The following EPC1 variants were observed in gnomAD, a reference collection of about 807,000 sequenced individuals.
EPC1 encodes enhancer of polycomb 1.
A neutral mutation model predicts 98.4 loss-of-function variants in EPC1; 12 were observed. The observed-to-expected ratio is 0.12, with a 90% confidence interval of 0.08 to 0.20. EPC1 has a LOEUF of 0.20. Ranked by LOEUF, EPC1 falls within the 10% of genes least tolerant of loss-of-function variation. The probability of loss-of-function intolerance (pLI) is 1.00; values close to 1 mark genes in which losing one functional copy is unlikely to be tolerated. For synonymous variants in EPC1, 357 were observed against 363.9 expected (o/e 0.98, Z 0.21); for missense variants, 729 against 990.5 (o/e 0.74, Z 3.54).
chr10:32,310,848 TG>T (rs2132847778), intron 1 of EPC1, among the ~76,000 whole-genome samples: 1 of 152,092 alleles, frequency 6.6e-6, no homozygotes, highest in Non-Finnish European at 1.5e-5. Flanking sequence ...CACTCCAACC[TG>T]GGCAACAGAG....
Position 32,291,157 on chromosome 10 carries a change from A to T in EPC1, c.975+6T>A. ...TAGATACTATTATCACAAAAACATT[A>T]ATCACCTTATTAACTTTGAACTCCT... On this transcript the variant is annotated splice_donor_region_variant and intron_variant, in intron 6 of 13. Transcript: ENST00000319778. 6.2e-7 allele frequency: 1 copy of T among 1,609,628 alleles called. No individual in the cohort carries two copies. The highest frequency in any genetic ancestry group is 8.5e-7 in the Non-Finnish European group (1 of 1,176,370).
chr10:32,330,955 G>A (rs1424931362), intron 1 of EPC1, among the ~76,000 whole-genome samples: 1 of 152,026 alleles, frequency 6.6e-6, no homozygotes, highest in African/African-American at 2.4e-5. Flanking sequence ...CAAAATCACA[G>A]TGTAAAAGTT....
intron 10 of EPC1, among the ~76,000 whole-genome samples, chr10:32,279,731 T>G (rs1299883421): frequency 6.6e-6 from 1 of 152,174 alleles, no homozygotes; most frequent in Non-Finnish European, 1.5e-5. Flanking sequence ...TAAGGACTCT[T>G]ACATAAGAGT....
At chr10:32,305,414 C>G (rs1253405756) in intron 2 of EPC1, among the ~76,000 whole-genome samples, 1 of 152,190 alleles carries the variant, frequency 6.6e-6, no homozygotes, top group Non-Finnish European at 1.5e-5. Context: ...CAGAAAAAGT[C>G]TGCTGACTCT....
chr10:32,347,052 G>C lies in EPC1; in HGVS notation c.-137C>G, dbSNP rs1838887470. 2.7e-6 allele frequency: 4 copies of C among 1,464,534 alleles called. No homozygotes were observed. Among genetic ancestry groups the C allele is most frequent in the Non-Finnish European group, 3.6e-6 (4 of 1,114,164 alleles). 90.7% of individuals were successfully genotyped at this position (1,464,534 alleles called of 1,614,324 possible). A position where few individuals can be genotyped will look rare whatever the true frequency, so the allele number is the denominator to read the frequency against. ...GCGGAGCGCAGAGCCCGCCGTCCGG[G>C]CACTAACACCAGCCGGGAGGGTGGG... is the stretch of plus-strand genomic sequence containing the variant. On this transcript the variant is annotated 5_prime_UTR_variant, in exon 1 of 14. Transcript: ENST00000319778.
chr10:32,345,450 A>T, intron 1 of EPC1: 2 of 985,352 alleles, frequency 2.0e-6, no homozygotes, highest in Non-Finnish European at 2.4e-6. Flanking sequence ...TTACAGTACC[A>T]AGAGAAGTAT....
At chr10:32,343,768 C>T (rs1838545769) in intron 1 of EPC1, among the ~76,000 whole-genome samples, 1 of 151,728 alleles carries the variant, frequency 6.6e-6, no homozygotes, top group Admixed American at 6.6e-5. Flanking sequence ...GTGTGTGCAG[C>T]TCATAGTATT....
chr10:32,376,680 T>G (rs554240602), intron 1 of EPC1, among the ~76,000 whole-genome samples: 272 of 152,208 alleles, frequency 1.8e-3, no homozygotes, highest in Middle Eastern at 6.8e-3. Context: ...TTTTAGCCAT[T>G]TTCACACATC....
At chr10:32,288,905 C>G (rs1440002333) in intron 6 of EPC1, among the ~76,000 whole-genome samples, 2 of 151,772 alleles carry the variant, frequency 1.3e-5, no homozygotes, top group Non-Finnish European at 2.9e-5. Flanking sequence ...CTGGCTAACA[C>G]GATGAAACCC....
At chr10:32,304,212 ATAAG>A (rs1223621790) in intron 2 of EPC1, among the ~76,000 whole-genome samples, 1 of 152,222 alleles carries the variant, frequency 6.6e-6, no homozygotes, top group Admixed American at 6.5e-5. Flanking sequence ...CTGATCATCA[ATAAG>A]TAAGCCATCT....
chr10:32,343,183 G>C (rs1008563507), intron 1 of EPC1, among the ~76,000 whole-genome samples: 6 of 152,002 alleles, frequency 3.9e-5, no homozygotes, highest in African/African-American at 1.5e-4. Context: ...TAAATACATT[G>C]TTTTCATCAT....
Position 32,291,339 on chromosome 10 carries a change from G to T in EPC1, c.816-17C>A, listed in dbSNP as rs779379061. ...AAATTATACCTAAAATTATACAAAT[G>T]AAAGTTTAAAATTATATATATTTAA... On this transcript the variant is annotated splice_polypyrimidine_tract_variant and intron_variant, in intron 5 of 13. Transcript: ENST00000319778. 5 of 1,582,318 alleles carry T rather than the reference G, an allele frequency of 3.2e-6. No individual in the cohort carries two copies. The highest frequency in any genetic ancestry group is 4.3e-6 in the Non-Finnish European group (5 of 1,158,796).
intron 1 of EPC1, among the ~76,000 whole-genome samples, chr10:32,321,876 AAGAG>A (rs1199204456): frequency 6.6e-6 from 1 of 151,778 alleles, no homozygotes; most frequent in Non-Finnish European, 1.5e-5. Context: ...TCAGAATACT[AAGAG>A]AGAAGCAAAA....
At chr10:32,313,521 A>G (rs190000378) in intron 1 of EPC1, among the ~76,000 whole-genome samples, 4 of 152,380 alleles carry the variant, frequency 2.6e-5, no homozygotes, top group Non-Finnish European at 2.9e-5. Context: ...TTCTGAGACT[A>G]TCGCTTTATC....
intron 1 of EPC1, among the ~76,000 whole-genome samples, chr10:32,373,678 CT>C (rs1839812179): frequency 6.6e-6 from 1 of 152,200 alleles, no homozygotes; most frequent in Non-Finnish European, 1.5e-5. Context: ...ACTCTCCTCA[CT>C]TTGGATATTT....
At chr10:32,287,411 T>C in intron 6 of EPC1, 137 bp from the exon 7 acceptor site, 1 of 844,078 alleles carries the variant, frequency 1.2e-6, no homozygotes, top group Non-Finnish European at 1.8e-6. Context: ...ACTCTATGTT[T>C]GGCCATCTTA....
Position 32,267,765 on chromosome 10 carries a change from T to G in EPC1, c.*1298A>C, listed in dbSNP as rs1024142379. 2 of 152,236 alleles carry G rather than the reference T, an allele frequency of 1.3e-5. No homozygotes were observed. Among genetic ancestry groups the G allele is most frequent in the Non-Finnish European group, 2.9e-5 (2 of 68,040 alleles). The allele number at this position is 152,236 out of a possible 1,614,324, so 9.4% of individuals were successfully genotyped here. A position where few individuals can be genotyped will look rare whatever the true frequency, so the allele number is the denominator to read the frequency against. On this transcript the variant is annotated 3_prime_UTR_variant, in exon 14 of 14. Transcript: ENST00000319778. ...ACCACTACACATTAGTTTGTCAACA[T>G]GTAATGCCCTGGGTTTATTTTGTGA...
chr10:32,344,854 A>C (rs1053272106), intron 1 of EPC1, among the ~76,000 whole-genome samples: 4 of 152,228 alleles, frequency 2.6e-5, no homozygotes, highest in Non-Finnish European at 5.9e-5. Flanking sequence ...TTTAACAAGC[A>C]CTGATACTTC....
rs550588203 is a variant in EPC1, at chr10:32,268,854, T to C, written c.*209A>G. ...CAAATATGCAGTACTGTACAGATAATTGCTGTATTCTTAATTTACAGATGT... is the reference window on the plus strand; with the variant it reads ...CAAATATGCAGTACTGTACAGATAACTGCTGTATTCTTAATTTACAGATGT... On this transcript the variant is annotated 3_prime_UTR_variant, in exon 14 of 14. Transcript: ENST00000319778. 7.1e-5 allele frequency: 35 copies of C among 490,928 alleles called. No homozygotes were observed. The highest frequency in any genetic ancestry group is 3.2e-4 in the South Asian group (13 of 40,354). 30.4% of individuals were successfully genotyped at this position (490,928 alleles called of 1,614,324 possible). A position where few individuals can be genotyped will look rare whatever the true frequency, so the allele number is the denominator to read the frequency against.
Sources: allele counts gnomAD v4.1 joint callset (sites outside exome capture counted in the v4.1 genomes callset), GRCh38; gene constraint gnomAD v4.1.1; transcripts MANE v1.5; gene names NCBI Gene and HGNC (gene_info 2026-07-23, HGNC 2026-07-21).